The following FAT1 variants were observed in gnomAD, a reference collection of about 807,000 sequenced individuals.
The protein encoded by FAT1 is FAT atypical cadherin 1.
Under a neutral mutation model 329.8 loss-of-function variants are expected in FAT1, and 171 were observed. The ratio of observed to expected loss-of-function variants is 0.52; its 90% CI spans 0.46 to 0.59. FAT1 has a LOEUF of 0.59. Ranked by LOEUF, FAT1 falls within the 20% of genes least tolerant of loss-of-function variation. FAT1 has a pLI of 0.00. For missense variants in FAT1, 5,672 were observed against 5,774.4 expected (o/e 0.98, Z 0.57); for synonymous variants, 2,233 against 2,228.6 (o/e 1.00, Z -0.06).
At chr4:186,628,066 C>CTTCAATACCCAGAACTGA in intron 9 of FAT1, 88 bp downstream of exon 9, 2 of 1,392,742 alleles carry the variant, frequency 1.4e-6, no homozygotes, top group South Asian at 2.5e-5. Context: ...CATAGAAATG[C>CTTCAATACCCAGAACTGA]TTCAATACCC....
chr4:186,656,547 T>C (rs751377294), intron 3 of FAT1, among the ~76,000 whole-genome samples: 19 of 150,526 alleles, frequency 1.3e-4, no homozygotes, highest in Middle Eastern at 3.4e-3. Context: ...TACCCACACA[T>C]ACACATACAT....
intron 2 of FAT1, among the ~76,000 whole-genome samples, chr4:186,676,066 G>A (rs1217846291): frequency 6.6e-6 from 1 of 151,826 alleles, no homozygotes; most frequent in Admixed American, 6.6e-5. Context: ...CCTTGGACCA[G>A]CAGAGAGAGA....
chr4:186,617,873 C>T lies in FAT1; in HGVS notation c.8713G>A (p.Asp2905Asn), dbSNP rs190079590. 5.2e-5 allele frequency: 84 copies of T among 1,613,976 alleles called. No individual in the cohort carries two copies. The highest frequency in any genetic ancestry group is 5.8e-5 in the Non-Finnish European group (68 of 1,179,884). The change falls in exon 10 of 27, where the codon GAT becomes AAT. Residue 2905 changes from aspartate to asparagine, a missense_variant. Coordinates refer to ENST00000441802, the MANE Select transcript of FAT1 (RefSeq NM_005245.4). ...TCGTTGACATCGGTGACGGTAACATCCACAATGGCTGTGGAGGATAGCTGG... is the reference window on the plus strand; with the variant it reads ...TCGTTGACATCGGTGACGGTAACATTCACAATGGCTGTGGAGGATAGCTGG... ...KIQLSSTAIV[D>N]VTVTDVNDSP...
chr4:186,709,969 G>T (rs554676447), intron 1 of FAT1, 124 bp from the exon 2 acceptor site: 1 of 845,374 alleles, frequency 1.2e-6, no homozygotes, highest in South Asian at 2.2e-5. Context: ...TAAATGCAAC[G>T]GTTTGGGATG....
intron 2 of FAT1, 151 bp downstream of exon 2, chr4:186,706,412 G>C (rs1483499757): frequency 1.3e-6 from 1 of 765,910 alleles, no homozygotes; most frequent in East Asian, 2.5e-5. Context: ...CTACAATACA[G>C]CAGCCGGGCC....
chr4:186,627,956 C>T (rs927562601), intron 9 of FAT1, among the ~76,000 whole-genome samples, 198 bp downstream of exon 9: 1 of 151,844 alleles, frequency 6.6e-6, no homozygotes, highest in African/African-American at 2.4e-5. Flanking sequence ...AGAACTTCCC[C>T]CAAACTCTCT....
rs908533298 is a variant in FAT1, at chr4:186,588,539, C to T, written c.*53G>A. On this transcript the variant is annotated 3_prime_UTR_variant, in exon 27 of 27. Transcript: ENST00000441802. ...CTGCTGCAAAGAACAGCGCGGATTACTCACATCACCTCTAGGTTCACTAAA... is the reference window on the plus strand; with the variant it reads ...CTGCTGCAAAGAACAGCGCGGATTATTCACATCACCTCTAGGTTCACTAAA... The T allele has an allele frequency of 2.3e-5, 36 of 1,557,110 alleles. No homozygotes were observed. In the African/African-American group the frequency reaches 2.9e-4, roughly 12 times the overall value.
intron 2 of FAT1, among the ~76,000 whole-genome samples, chr4:186,678,055 A>G (rs1356617595): frequency 6.6e-6 from 1 of 152,234 alleles, no homozygotes; most frequent in Non-Finnish European, 1.5e-5. Context: ...CAAAGTAATA[A>G]TAAACATTTC....
At chr4:186,599,280 T>A (rs1399808957) in intron 22 of FAT1, among the ~76,000 whole-genome samples, 1 of 152,164 alleles carries the variant, frequency 6.6e-6, no homozygotes, top group African/African-American at 2.4e-5. Context: ...AATGACAGTA[T>A]TATTTTTGCT....
chr4:186,611,829 T>A, intron 13 of FAT1, 54 bp from the exon 14 acceptor site: 4 of 1,048,410 alleles, frequency 3.8e-6, no homozygotes, highest in Non-Finnish European at 5.1e-6. Context: ...GTTTAACACT[T>A]TTTTTTTTTT....
rs1742288835 is a variant in FAT1, at chr4:186,663,597, T to C, written c.3282A>G (p.Ser1094=). 2 of 1,608,352 alleles carry C rather than the reference T, an allele frequency of 1.2e-6. No homozygotes were observed. Among genetic ancestry groups the C allele is most frequent in the Non-Finnish European group, 1.7e-6 (2 of 1,179,494 alleles). Residue 1094 remains serine, a synonymous_variant, in exon 3 of 27, where the codon TCA becomes TCG. Coordinates refer to ENST00000441802, the MANE Select transcript of FAT1 (RefSeq NM_005245.4). The part of the protein sequence containing the change: ...IGEETGVIET[S]DRLDRESTSH... The stretch of plus-strand genomic sequence containing the variant: ...AGGTCGATTCACGGTCCAGTCGATC[T>C]GACGTCTCTATGACACCTACAGAGA...
rs1491248 is a variant in FAT1, at chr4:186,710,069, C to T, written c.-18-224G>A. Among the ~76,000 whole-genome samples the T allele has an allele frequency of 0.43, 65,379 of 151,976 alleles. 16,431 individuals are homozygous for T. The highest frequency in any genetic ancestry group is 0.57 in the Non-Finnish European group (38,842 of 67,974). Reference sequence around the variant, plus strand: ...CAAAAACTTCCTTTTCATTTTTGAACGACAAGGTCCTCTCTTTCATATTTA... The same window carrying T: ...CAAAAACTTCCTTTTCATTTTTGAATGACAAGGTCCTCTCTTTCATATTTA... On this transcript the variant is annotated intron_variant, in intron 1 of 26. Coordinates refer to ENST00000441802, the MANE Select transcript of FAT1 (RefSeq NM_005245.4).
chr4:186,685,643 T>C (rs1397213924), intron 2 of FAT1, among the ~76,000 whole-genome samples: 2 of 152,272 alleles, frequency 1.3e-5, no homozygotes, highest in Non-Finnish European at 2.9e-5. Flanking sequence ...CATAATGCTT[T>C]CTACATATGG....
chr4:186,711,472 A>G (rs1489820232), intron 1 of FAT1, among the ~76,000 whole-genome samples: 1 of 152,238 alleles, frequency 6.6e-6, no homozygotes, highest in Non-Finnish European at 1.5e-5. Flanking sequence ...GGGAAATTTG[A>G]ATATTATAAA....
At chr4:186,721,904 T>C (rs962117604) in intron 1 of FAT1, among the ~76,000 whole-genome samples, 3 of 152,236 alleles carry the variant, frequency 2.0e-5, no homozygotes, top group Non-Finnish European at 2.9e-5. Context: ...AATGGCACGA[T>C]CTCGGCTTAC....
At chr4:186,700,439 C>A (rs1023736477) in intron 2 of FAT1, among the ~76,000 whole-genome samples, 1 of 152,148 alleles carries the variant, frequency 6.6e-6, no homozygotes, top group Non-Finnish European at 1.5e-5. Context: ...TGACTGCCAC[C>A]GCGACGGAAT....
At position 186,693,628 on chromosome 4, in the gene FAT1, C is replaced by A. The variant is rs769018042; in HGVS notation, c.3265+12935G>T. Among the ~76,000 whole-genome samples the A allele has an allele frequency of 9.5e-5, 10 of 104,852 alleles. 1 individual carries two copies. In the South Asian group the frequency reaches 1.6e-3, roughly 17 times the overall value. The allele number at this position is 104,852 out of a possible 152,430, so 68.8% of individuals were successfully genotyped here. On this transcript the variant is annotated intron_variant, in intron 2 of 26. Coordinates refer to ENST00000441802, the MANE Select transcript of FAT1 (RefSeq NM_005245.4). ...ACATGAGTCAGCCCGTGGAAAACAGCCAAGGAAACACCCAGCTGAGCCCAG... is the reference window on the plus strand; with the variant it reads ...ACATGAGTCAGCCCGTGGAAAACAGACAAGGAAACACCCAGCTGAGCCCAG...
chr4:186,647,374 T>C (rs565740432), intron 3 of FAT1, among the ~76,000 whole-genome samples: 3 of 152,330 alleles, frequency 2.0e-5, no homozygotes, highest in South Asian at 4.1e-4. Flanking sequence ...ATCTGAGGTT[T>C]AGAGAAGTAA....
In FAT1 at chr4:186,628,491, G is replaced by C; in HGVS notation, c.4596C>G (p.Val1532=). The C allele has an allele frequency of 6.2e-7, 1 of 1,613,992 alleles. No individual in the cohort carries two copies. The highest frequency in any genetic ancestry group is 1.3e-5 in the African/African-American group (1 of 75,060). ...GGAGAGCGGGTAGAGCGCCTACCAT[G>C]ACCGTGAGGGTGTGCTGGTGAACAG... The part of the protein sequence containing the change: ...HEAVHQHTLT[V]MVRDQDVPVK... The change falls in exon 8 of 27, where the codon GTC becomes GTG. Residue 1532 remains valine (V), a synonymous_variant. Transcript: ENST00000441802.
Sources: gnomAD v4.1 joint callset for allele counts (sites outside exome capture counted in the v4.1 genomes callset) on GRCh38, gnomAD v4.1.1 for gene constraint, MANE v1.5 for transcripts, NCBI Gene and HGNC (gene_info 2026-07-23, HGNC 2026-07-21) for gene names.